The following ALPK1 variants were observed in gnomAD, a reference collection of about 807,000 sequenced individuals.
ALPK1 encodes the protein alpha kinase 1.
A neutral mutation model predicts 120.6 loss-of-function variants in ALPK1; 110 were observed. The observed-to-expected ratio is 0.91, with a 90% CI of 0.78 to 1.07. The LOEUF (loss-of-function observed/expected upper bound fraction) is 1.07, where lower values mean the gene tolerates loss of function less well. Among genes scored for constraint, ALPK1 ranks in the 50% least tolerant of loss-of-function variants. The probability of loss-of-function intolerance (pLI) is 0.00; values close to 1 mark genes in which losing one functional copy is unlikely to be tolerated. For missense variants in ALPK1, 1,498 were observed against 1,483.9 expected, an observed-to-expected ratio of 1.01 and a Z score of -0.16; for synonymous variants, 582 against 560.3, an observed-to-expected ratio of 1.04 and a Z score of -0.55.
At chr4:112,332,402 T>C (rs1252864891) in intron 2 of ALPK1, among the ~76,000 whole-genome samples, 1 of 152,248 alleles carries the variant, frequency 6.6e-6, no homozygotes, top group Non-Finnish European at 1.5e-5. Context: ...GAAACATCAA[T>C]GAGTTAGTAG....
At chr4:112,306,451 T>C (rs1212348495) in intron 1 of ALPK1, among the ~76,000 whole-genome samples, 1 of 152,160 alleles carries the variant, frequency 6.6e-6, no homozygotes, top group African/African-American at 2.4e-5. Flanking sequence ...AATTCAGGGA[T>C]TCAACTTCTT....
intron 4 of ALPK1, among the ~76,000 whole-genome samples, chr4:112,388,945 G>A (rs1387415570): frequency 6.6e-6 from 1 of 151,898 alleles, no homozygotes; most frequent in African/African-American, 2.4e-5. Flanking sequence ...GAAAATTAAT[G>A]CTCAGAGAAG....
chr4:112,439,662 A>T, intron 13 of ALPK1, 24 bp from the exon 14 acceptor site: 1 of 1,586,446 alleles, frequency 6.3e-7, no homozygotes, highest in Non-Finnish European at 8.6e-7. Flanking sequence ...TTATGCTGTA[A>T]TGTTTCTCAT....
intron 4 of ALPK1, chr4:112,384,065 G>A (rs1191639506): frequency 6.6e-6 from 1 of 152,202 alleles, no homozygotes; most frequent in Non-Finnish European, 1.5e-5. Flanking sequence ...AAAATCATAA[G>A]TTGAACAATT....
chr4:112,330,729 G>GTAA (rs1020015671), intron 2 of ALPK1, among the ~76,000 whole-genome samples: 2 of 152,152 alleles, frequency 1.3e-5, no homozygotes, highest in African/African-American at 4.8e-5. Flanking sequence ...AACAGAATGT[G>GTAA]TAATAGATTA....
At chr4:112,314,949 C>T (rs1371762781) in intron 1 of ALPK1, among the ~76,000 whole-genome samples, 1 of 143,116 alleles carries the variant, frequency 7.0e-6, no homozygotes, top group Non-Finnish European at 1.5e-5. Flanking sequence ...GGCCTGATCT[C>T]GGCTCACTGC....
At chr4:112,306,272 T>C (rs1728049005) in intron 1 of ALPK1, among the ~76,000 whole-genome samples, 1 of 152,032 alleles carries the variant, frequency 6.6e-6, no homozygotes, top group Non-Finnish European at 1.5e-5. Context: ...ATAAAATGAG[T>C]TAGGGAGGAT....
chr4:112,353,264 C>T (rs533434391), intron 2 of ALPK1, among the ~76,000 whole-genome samples: 7 of 152,214 alleles, frequency 4.6e-5, no homozygotes, highest in Non-Finnish European at 7.4e-5. Flanking sequence ...GTGTGATCAC[C>T]GAACCTGGCC....
chr4:112,430,675 T>G lies in ALPK1; in HGVS notation c.1128T>G (p.His376Gln), dbSNP rs750802950. Reference sequence around the variant, plus strand: ...TCCATGGGGAGACAGGGACGGTCCATGCAGCAAGTCAGCTCTGTAAGGAAG... The same window carrying G: ...TCCATGGGGAGACAGGGACGGTCCAGGCAGCAAGTCAGCTCTGTAAGGAAG... The part of the protein sequence containing the change: ...RRLHGETGTV[H>Q]AASQLCKEAM... Residue 376 changes from histidine to glutamine, a missense_variant, in exon 11 of 16, where the codon CAT becomes CAG. Transcript: ENST00000650871. 3.1e-6 allele frequency: 5 copies of G among 1,614,198 alleles called. No homozygotes were observed. In the South Asian group the frequency reaches 5.5e-5, roughly 18 times the overall value.
intron 9 of ALPK1, among the ~76,000 whole-genome samples, chr4:112,428,403 A>G (rs1327971103): frequency 1.3e-5 from 2 of 152,218 alleles, no homozygotes; most frequent in African/African-American, 4.8e-5. Context: ...GATACCATTA[A>G]ATCACAACAG....
At chr4:112,401,929 T>C (rs1321336064) in intron 4 of ALPK1, among the ~76,000 whole-genome samples, 1 of 152,200 alleles carries the variant, frequency 6.6e-6, no homozygotes, top group Non-Finnish European at 1.5e-5. Flanking sequence ...GCCCTGGGCA[T>C]AAACCTTAAG....
intron 4 of ALPK1, among the ~76,000 whole-genome samples, chr4:112,390,952 TA>T: frequency 6.6e-6 from 1 of 152,284 alleles, no homozygotes; most frequent in East Asian, 1.9e-4. Flanking sequence ...GCATAAACGT[TA>T]GGCTTGAGAG....
In ALPK1 at chr4:112,399,096, C is replaced by G. The variant is rs2148739847; in HGVS notation, c.277-12731C>G. On this transcript the variant is annotated intron_variant, in intron 4 of 15. Transcript: ENST00000650871. Reference sequence around the variant, plus strand: ...AAGTATGCATTCGAGGAAAGAGAAACAGGATGGTATTTAAACGTGGGATTC... The same window carrying G: ...AAGTATGCATTCGAGGAAAGAGAAAGAGGATGGTATTTAAACGTGGGATTC... 1.3e-5 allele frequency among the ~76,000 whole-genome samples: 2 copies of G among 152,226 alleles called. 1 individual carries two copies. Among genetic ancestry groups the G allele is most frequent in the South Asian group, 4.1e-4 (2 of 4,832 alleles).
intron 11 of ALPK1, 22 bp from the exon 12 acceptor site, chr4:112,435,126 T>G (rs753665718): frequency 6.3e-7 from 1 of 1,598,250 alleles, no homozygotes; most frequent in Non-Finnish European, 8.5e-7. Flanking sequence ...ATAAGATTCA[T>G]TTTCATCTTT....
intron 6 of ALPK1, 177 bp from the exon 7 acceptor site, chr4:112,425,488 T>A: frequency 4.3e-6 from 2 of 469,002 alleles, no homozygotes; most frequent in African/African-American, 2.0e-5. Flanking sequence ...CAGACAGGAG[T>A]CAGTTCCTGC....
rs1491182734 is a variant in ALPK1 at position 112,440,813 on chromosome 4, G to GTA, written c.3539-103_3539-102insAT. 10 of 866,664 alleles carry GTA rather than the reference G, an allele frequency of 1.2e-5. No homozygotes were observed. The African/African-American group carries it at 1.3e-4, about 11-fold the overall frequency. 53.7% of individuals were successfully genotyped at this position (866,664 alleles called of 1,614,324 possible). A position where few individuals can be genotyped will look rare whatever the true frequency, so the allele number is the denominator to read the frequency against. On this transcript the variant is annotated intron_variant, in intron 14 of 15. Transcript: ENST00000650871. ...CCAAGTTTTTGAATTATCTCTTTAAGTGTGTGTGTGTGTGTGTGTGTGTGT... is the reference window on the plus strand; with the variant it reads ...CCAAGTTTTTGAATTATCTCTTTAAGTATGTGTGTGTGTGTGTGTGTGTGTGT...
intron 5 of ALPK1, among the ~76,000 whole-genome samples, chr4:112,417,519 C>T (rs910919213): frequency 6.6e-6 from 1 of 152,166 alleles, no homozygotes; most frequent in Non-Finnish European, 1.5e-5. Flanking sequence ...CACGATCTCA[C>T]TCTGTTACCC....
chr4:112,398,736 G>A (rs1387122608), intron 4 of ALPK1, among the ~76,000 whole-genome samples: 2 of 152,150 alleles, frequency 1.3e-5, no homozygotes, highest in African/African-American at 2.4e-5. Context: ...CAAGAGCAGG[G>A]ACCCTATCCA....
intron 12 of ALPK1, 98 bp downstream of exon 12, chr4:112,435,399 T>C: frequency 8.9e-7 from 1 of 1,117,804 alleles, no homozygotes; most frequent in Non-Finnish European, 1.3e-6. Flanking sequence ...GCTGAAAAAC[T>C]TGGCCAAAAT....
Sources: allele counts gnomAD v4.1 joint callset (sites outside exome capture counted in the v4.1 genomes callset), GRCh38; gene constraint gnomAD v4.1.1; transcripts MANE v1.5; gene names NCBI Gene and HGNC (gene_info 2026-07-23, HGNC 2026-07-21).